Variants in PDE11A observed in about 807,000 individuals in gnomAD.
The protein encoded by PDE11A is dual 3',5'-cyclic-AMP and -GMP phosphodiesterase 11A.
A neutral mutation model predicts 100.5 loss-of-function variants in PDE11A; 100 were observed. That is an observed-to-expected ratio of 1.00 (90% confidence interval 0.85 to 1.18). The LOEUF (loss-of-function observed/expected upper bound fraction) is 1.18, where lower values mean the gene tolerates loss of function less well. PDE11A is among the 50% of genes most tolerant of loss of function. The pLI is 0.00. For missense variants in PDE11A, 1,141 were observed against 1,152.6 expected, an observed-to-expected ratio of 0.99 and a Z score of 0.15; for synonymous variants, 381 against 420.8, an observed-to-expected ratio of 0.91 and a Z score of 1.16.
intron 2 of PDE11A, among the ~76,000 whole-genome samples, chr2:177,915,523 T>C (rs1184283862): frequency 6.6e-6 from 1 of 152,224 alleles, no homozygotes; most frequent in East Asian, 1.9e-4. Context: ...CATGGCTTAA[T>C]AGTTCATTTC....
intron 9 of PDE11A, among the ~76,000 whole-genome samples, chr2:177,778,904 T>A (rs1232553219): frequency 6.6e-6 from 1 of 152,216 alleles, no homozygotes; most frequent in African/African-American, 2.4e-5. Context: ...TCTGTTATCA[T>A]GACCTTCAGA....
intron 1 of PDE11A, among the ~76,000 whole-genome samples, chr2:178,104,916 A>C (rs763299711): frequency 3.9e-5 from 6 of 152,240 alleles, no homozygotes; most frequent in South Asian, 2.1e-4. Context: ...AAGGTGTTTA[A>C]CTATGATATT....
chr2:177,935,413 A>G (rs969622585), intron 2 of PDE11A, among the ~76,000 whole-genome samples: 5 of 152,216 alleles, frequency 3.3e-5, no homozygotes, highest in African/African-American at 1.2e-4. Context: ...TGTCATTGTG[A>G]GACATCATTT....
intron 9 of PDE11A, 48 bp downstream of exon 9, chr2:177,816,780 TA>T: frequency 9.2e-7 from 1 of 1,086,180 alleles, no homozygotes; most frequent in Non-Finnish European, 1.4e-6. Flanking sequence ...TTTTCCCTCA[TA>T]AAATTAGAGC....
chr2:177,964,124 AT>A (rs1190281857), intron 2 of PDE11A, among the ~76,000 whole-genome samples: 1 of 142,540 alleles, frequency 7.0e-6, no homozygotes, highest in Non-Finnish European at 1.5e-5. Context: ...AATCAACAGG[AT>A]TTATTTTATT....
chr2:177,884,220 A>T (rs892865322), intron 4 of PDE11A, among the ~76,000 whole-genome samples: 15 of 152,198 alleles, frequency 9.9e-5, no homozygotes, highest in African/African-American at 3.4e-4. Context: ...TCTCCCTATC[A>T]CTGTTCCAGA....
intron 9 of PDE11A, among the ~76,000 whole-genome samples, chr2:177,805,594 T>C (rs1484656092): frequency 6.6e-6 from 1 of 152,210 alleles, no homozygotes; most frequent in Non-Finnish European, 1.5e-5. Flanking sequence ...TTCTTGAACC[T>C]GTTTTTGCAA....
intron 2 of PDE11A, among the ~76,000 whole-genome samples, chr2:177,968,683 A>G (rs1006746781): frequency 2.6e-5 from 4 of 152,210 alleles, no homozygotes; most frequent in Non-Finnish European, 5.9e-5. Flanking sequence ...AAAGCTAACC[A>G]TTACTAGAGA....
chr2:177,822,525 C>A (rs2083156817), intron 6 of PDE11A, among the ~76,000 whole-genome samples: 1 of 152,048 alleles, frequency 6.6e-6, no homozygotes, highest in African/African-American at 2.4e-5. Context: ...TCTGGTAGTG[C>A]AAATCCTCCA....
chr2:178,097,214 T>A (rs771533141), intron 2 of PDE11A, among the ~76,000 whole-genome samples: 5 of 152,184 alleles, frequency 3.3e-5, no homozygotes, highest in Admixed American at 6.5e-5. Context: ...AGTATCTTTA[T>A]AGCAGTGCCC....
intron 5 of PDE11A, among the ~76,000 whole-genome samples, chr2:177,863,276 A>G (rs1041277444): frequency 1.3e-5 from 2 of 151,980 alleles, no homozygotes; most frequent in Non-Finnish European, 2.9e-5. Context: ...CTTGGTCATG[A>G]TTTTTTGAAT....
intron 5 of PDE11A, among the ~76,000 whole-genome samples, chr2:177,852,945 A>G (rs76049286): frequency 1.3e-5 from 2 of 152,202 alleles, no homozygotes; most frequent in Non-Finnish European, 2.9e-5. Context: ...GTGACCAAAG[A>G]ACACATTTTC....
chr2:178,104,283 C>A (rs756431706), intron 2 of PDE11A: 1 of 1,609,868 alleles, frequency 6.2e-7, no homozygotes, highest in East Asian at 2.2e-5. Flanking sequence ...GGTTCTCTCC[C>A]ACAACTGCTA....
intron 2 of PDE11A, among the ~76,000 whole-genome samples, chr2:177,989,222 T>C (rs1207918317): frequency 4.6e-5 from 7 of 152,202 alleles, no homozygotes; most frequent in African/African-American, 1.4e-4. Context: ...ATGAGCAATC[T>C]ACTCTTTTTC....
chr2:177,956,611 G>A (rs937853695), intron 2 of PDE11A, among the ~76,000 whole-genome samples: 17 of 151,986 alleles, frequency 1.1e-4, no homozygotes, highest in East Asian at 7.7e-4. Context: ...ACATGCACAC[G>A]TATGTTTATT....
At chr2:177,708,083 A>G (rs16865703) in intron 13 of PDE11A, among the ~76,000 whole-genome samples, 2,514 of 152,306 alleles carry the variant, frequency 0.017, 63 homozygotes, top group African/African-American at 0.057. Context: ...ACTCCAAACA[A>G]GGAGCAATCG....
chr2:177,784,168 C>G (rs1260442809), intron 9 of PDE11A, among the ~76,000 whole-genome samples: 1 of 119,020 alleles, frequency 8.4e-6, no homozygotes, highest in Non-Finnish European at 1.8e-5. Flanking sequence ...AAAAGGAATT[C>G]AGCAGGACTT....
Position 177,816,873 on chromosome 2 carries a change from C to T in PDE11A, c.1693G>A (p.Asp565Asn). Residue 565 changes from aspartate (D) to asparagine (N), a missense_variant, in exon 9 of 20, where the codon GAT (aspartate) becomes AAT (asparagine). Physicochemically the swap from Asp to Asn is conservative, Grantham distance 23. Coordinates refer to ENST00000286063, the MANE Select transcript of PDE11A (RefSeq NM_016953.4). ...GLGINNTIMY[D>N]QVKKSWAKQS... ...TTGGCCCAGGACTTCTTCACTTGAT[C>T]ATACATAATTGTGTTGTTGATGCCA... 3 of 1,611,186 alleles carry T rather than the reference C, an allele frequency of 1.9e-6. No homozygotes were observed. Among genetic ancestry groups the T allele is most frequent in the Non-Finnish European group, 2.5e-6 (3 of 1,177,416 alleles).
intron 2 of PDE11A, among the ~76,000 whole-genome samples, chr2:178,003,953 A>G (rs1016119999): frequency 6.6e-6 from 1 of 152,164 alleles, no homozygotes; most frequent in Non-Finnish European, 1.5e-5. Context: ...GAAACAACCT[A>G]AATGTTAAGA....
Sources: allele counts gnomAD v4.1 joint callset (sites outside exome capture counted in the v4.1 genomes callset), GRCh38; gene constraint gnomAD v4.1.1; transcripts MANE v1.5; gene names NCBI Gene and HGNC (gene_info 2026-07-23, HGNC 2026-07-21).